Variants in MADD observed in about 807,000 individuals in gnomAD.
MADD encodes MAP kinase-activating death domain protein.
Under a neutral mutation model 176.7 loss-of-function variants are expected in MADD, and 109 were observed. The observed-to-expected ratio is 0.62, with a 90% CI of 0.53 to 0.72. The LOEUF is 0.72. Among genes scored for constraint, MADD ranks in the 30% least tolerant of loss-of-function variants. MADD has a pLI of 0.00. For missense variants in MADD, 1,914 were observed against 2,045.5 expected (o/e 0.94, Z 1.24); for synonymous variants, 771 against 771.3 (o/e 1.00, Z 0.01).
At chr11:47,324,335 C>T (rs866837472) in exon 29 of MADD, 2 of 1,614,122 alleles carry the variant, frequency 1.2e-6, no homozygotes, top group Middle Eastern at 1.6e-4. Flanking sequence ...AGCATCAAAC[C>T]CGGTGAGGAG....
In MADD at chr11:47,295,594, C is replaced by T. The variant is rs1565417771; in HGVS notation, c.3483+18C>T. 1 of 1,614,046 alleles carries T rather than the reference C, an allele frequency of 6.2e-7. No individual in the cohort carries two copies. The highest frequency in any genetic ancestry group is 1.7e-5 in the Admixed American group (1 of 60,006). The stretch of plus-strand genomic sequence containing the variant: ...TTAGCACCGTGGTAGGGGAACACCA[C>T]ACTGGCATCTTGGTGGGTGGGGTGT... On this transcript the variant is annotated intron_variant, in intron 21 of 32. Transcript: ENST00000402192.
rs762278740 is a variant in MADD, at chr11:47,324,318, A to C, written c.4416A>C (p.Arg1472=). ...ACAGCATGGAGCGCGCTGCCGCCCG[A>C]CAGCAAAGCATCAAACCCGGTGAGG... The change falls in exon 29 of 33, where the codon CGA becomes CGC. Residue 1472 remains arginine, a synonymous_variant. Transcript: ENST00000402192. 5 of 1,614,210 alleles carry C rather than the reference A, an allele frequency of 3.1e-6. No individual in the cohort carries two copies. The South Asian group carries it at 4.4e-5, about 14-fold the overall frequency.
chr11:47,304,088 A>G (rs1314327375), intron 22 of MADD, among the ~76,000 whole-genome samples: 2 of 152,126 alleles, frequency 1.3e-5, no homozygotes, highest in Non-Finnish European at 2.9e-5. Context: ...ACTTAATGAG[A>G]TCCCCTAAGT....
chr11:47,281,177 T>A (rs952198286), intron 7 of MADD, among the ~76,000 whole-genome samples: 1 of 152,240 alleles, frequency 6.6e-6, no homozygotes, highest in Non-Finnish European at 1.5e-5. Flanking sequence ...CTCTGCTTCC[T>A]GTGTCCTTCA....
At chr11:47,316,442 G>A (rs2093012152) in intron 27 of MADD, among the ~76,000 whole-genome samples, 1 of 142,504 alleles carries the variant, frequency 7.0e-6, no homozygotes, top group Admixed American at 7.4e-5. Flanking sequence ...AGGCTGGAGT[G>A]CAATGGCTTG....
intron 22 of MADD, among the ~76,000 whole-genome samples, chr11:47,300,224 T>TTA (rs2076586577): frequency 6.7e-6 from 1 of 150,088 alleles, no homozygotes; most frequent in South Asian, 2.1e-4. Flanking sequence ...TTTTTTTTTT[T>TTA]AAGACGGAGT....
intron 8 of MADD, 126 bp from the exon 9 acceptor site, chr11:47,282,255 T>C: frequency 1.4e-6 from 1 of 691,044 alleles, no homozygotes; most frequent in Non-Finnish European, 2.5e-6. Context: ...GATGATTCTT[T>C]AAGATATCTC....
At chr11:47,309,248 A>G in intron 23 of MADD, 33 bp from the exon 27 acceptor site, 2 of 1,600,576 alleles carry the variant, frequency 1.2e-6, no homozygotes, top group Non-Finnish European at 1.7e-6. Context: ...TAAATGTTAA[A>G]TAGGCCCCCT....
intron 31 of MADD, 72 bp from the exon 36 acceptor site, chr11:47,328,586 G>A (rs193232745): frequency 4.5e-5 from 72 of 1,606,878 alleles, no homozygotes; most frequent in East Asian, 1.1e-4. Flanking sequence ...GGGCGCTGCC[G>A]CCTGGGGGAG....
intron 22 of MADD, among the ~76,000 whole-genome samples, chr11:47,306,153 T>G (rs2082425818): frequency 1.3e-5 from 2 of 152,064 alleles, no homozygotes; most frequent in Admixed American, 1.3e-4. Context: ...TCATAGTGGA[T>G]AGGGTACTGC....
chr11:47,295,456 G>GAGGGAAC, intron 20 of MADD, 40 bp from the exon 23 acceptor site: 1 of 1,509,548 alleles, frequency 6.6e-7, no homozygotes, highest in Non-Finnish European at 9.2e-7. Flanking sequence ...ACTGAGAGGA[G>GAGGGAAC]ATTGGACACC....
At chr11:47,284,011 T>C (rs2058946688) in intron 10 of MADD, among the ~76,000 whole-genome samples, 167 bp from the exon 11 acceptor site, 1 of 152,258 alleles carries the variant, frequency 6.6e-6, no homozygotes, top group South Asian at 2.1e-4. Context: ...CCGGCCCCCA[T>C]ATCAGTCTTT....
At position 47,295,551 on chromosome 11, in the gene MADD, C is replaced by G; in HGVS notation, c.3458C>G (p.Ser1153Ter). Residue 1153 changes from serine (S) to a stop codon, truncating the protein, a stop_gained, in exon 21 of 33, where the codon TCA becomes TGA. Coordinates refer to ENST00000402192, the Ensembl canonical transcript of MADD. LOFTEE classifies it high-confidence loss of function. ...AGTCCAGCTGTTATGATCCGCAGCT[C>G]AAGTCAGGATTCTGAAGTTAGCACC... is the stretch of plus-strand genomic sequence containing the variant. The G allele has an allele frequency of 6.2e-7, 1 of 1,614,040 alleles. No homozygotes were observed. The highest frequency in any genetic ancestry group is 8.5e-7 in the Non-Finnish European group (1 of 1,180,010).
intron 1 of MADD, among the ~76,000 whole-genome samples, chr11:47,273,254 T>C (rs768660386): frequency 6.5e-4 from 99 of 152,198 alleles, no homozygotes; most frequent in Non-Finnish European, 8.7e-4. Context: ...ATGGCCTAGG[T>C]CTGTTTTTCA....
intron 27 of MADD, among the ~76,000 whole-genome samples, chr11:47,320,924 A>T (rs968747372): frequency 4.6e-5 from 7 of 152,026 alleles, no homozygotes; most frequent in East Asian, 1.9e-4. Context: ...CTGTCTCAAA[A>T]AATAATAATA....
At chr11:47,284,693 C>T in intron 12 of MADD, 128 bp downstream of exon 12, 2 of 1,333,502 alleles carry the variant, frequency 1.5e-6, no homozygotes, top group Non-Finnish European at 2.0e-6. Context: ...TCTTCATGGG[C>T]CCTAGAGCTT....
intron 27 of MADD, among the ~76,000 whole-genome samples, chr11:47,322,488 T>C (rs761576196): frequency 1.3e-5 from 2 of 152,122 alleles, no homozygotes; most frequent in Non-Finnish European, 2.9e-5. Context: ...GGTGGGTGCC[T>C]GTAGTCCCAG....
chr11:47,274,029 C>T, intron 2 of MADD, 53 bp downstream of exon 2: 1 of 1,518,400 alleles, frequency 6.6e-7, no homozygotes, highest in Non-Finnish European at 9.1e-7. Flanking sequence ...GCCATAAAAT[C>T]TGCAGTTGTT....
At chr11:47,326,828 T>C in intron 31 of MADD, 21 bp downstream of exon 35, 2 of 1,613,938 alleles carry the variant, frequency 1.2e-6, no homozygotes, top group Non-Finnish European at 1.7e-6. Context: ...TATTTTGCTC[T>C]TAGGTCTGGA....
Sources: gnomAD v4.1 joint callset for allele counts (sites outside exome capture counted in the v4.1 genomes callset) on GRCh38, gnomAD v4.1.1 for gene constraint, MANE v1.5 for transcripts, NCBI Gene and HGNC (gene_info 2026-07-23, HGNC 2026-07-21) for gene names.